The following AKNA variants were observed in gnomAD, a reference collection of about 807,000 sequenced individuals.
The protein encoded by AKNA is AT-hook transcription factor, also known as microtubule organization protein AKNA.
In AKNA, 67 loss-of-function variants were observed where a neutral mutation model predicts 138.8. The observed-to-expected ratio is 0.48, with a 90% CI of 0.40 to 0.59. The LOEUF (loss-of-function observed/expected upper bound fraction) is 0.59. Ranked by LOEUF, AKNA falls within the 20% of genes least tolerant of loss-of-function variation. The pLI, the probability that AKNA is intolerant of heterozygous loss-of-function variation, is 0.00. For missense variants in AKNA, 1,813 were observed against 1,880.4 expected, an observed-to-expected ratio of 0.96 and a Z score of 0.66; for synonymous variants, 737 against 754.4, an observed-to-expected ratio of 0.98 and a Z score of 0.38.
chr9:114,376,576 T>C lies in AKNA; in HGVS notation c.1231A>G (p.Ser411Gly). The change falls in exon 3 of 22, where the codon AGT (serine) becomes GGT (glycine). Residue 411 changes from serine to glycine, a missense_variant. Transcript: ENST00000374088. ...TCCTTTGCCAGGGCTGCTTCTCCACTGCTCAACAGCACCTCCTGCACAATC... is the reference window on the plus strand; with the variant it reads ...TCCTTTGCCAGGGCTGCTTCTCCACCGCTCAACAGCACCTCCTGCACAATC... ...AEIVQEVLLS[S>G]GEAALAKDTP... 1 of 1,614,122 alleles carries C rather than the reference T, an allele frequency of 6.2e-7. No individual in the cohort carries two copies. Among genetic ancestry groups the C allele is most frequent in the Non-Finnish European group, 8.5e-7 (1 of 1,180,016 alleles).
intron 8 of AKNA, 141 bp downstream of exon 8, chr9:114,362,265 G>T: frequency 7.7e-7 from 1 of 1,301,674 alleles, no homozygotes; most frequent in Non-Finnish European, 1.0e-6. Context: ...CCACCATTTG[G>T]ATATGTATAC....
At chr9:114,338,142 T>C (rs564493298) in intron 21 of AKNA, among the ~76,000 whole-genome samples, 17 of 152,202 alleles carry the variant, frequency 1.1e-4, no homozygotes, top group Non-Finnish European at 2.4e-4. Context: ...AGCAGAGTCA[T>C]TCATTGGCAT....
At chr9:114,369,174 C>T (rs897137412) in intron 4 of AKNA, among the ~76,000 whole-genome samples, 4 of 152,196 alleles carry the variant, frequency 2.6e-5, no homozygotes, top group African/African-American at 7.2e-5. Context: ...TTTAACATGG[C>T]AGCCAGCCCA....
chr9:114,381,202 C>G lies in AKNA; in HGVS notation c.132G>C (p.Glu44Asp). Residue 44 changes from glutamate (E) to aspartate (D), a missense_variant, in exon 2 of 22, where the codon GAG becomes GAC. Transcript: ENST00000374088. ...DRSSSQSWEE[E>D]RLFPNATSPE... ...GGCTGGTGGCATTGGGAAAGAGTCT[C>G]TCTTCTTCCCAGCTTTGTGAACTAC... 6.2e-7 allele frequency: 1 copy of G among 1,614,184 alleles called. No homozygotes were observed. The highest frequency in any genetic ancestry group is 1.3e-5 in the African/African-American group (1 of 75,052).
At chr9:114,357,809 C>G in intron 12 of AKNA, 112 bp downstream of exon 12, 1 of 1,511,240 alleles carries the variant, frequency 6.6e-7, no homozygotes, top group Non-Finnish European at 8.9e-7. Context: ...GGGACAGGAG[C>G]AGCAAGTATT....
downstream of AKNA, chr9:114,331,616 G>C: frequency 6.2e-7 from 1 of 1,614,062 alleles, no homozygotes; most frequent in Non-Finnish European, 8.5e-7. Context: ...GGGACACCAA[G>C]ACCTTGATGT....
intron 21 of AKNA, among the ~76,000 whole-genome samples, chr9:114,338,011 A>G (rs879938903): frequency 2.6e-5 from 4 of 152,202 alleles, no homozygotes; most frequent in Admixed American, 1.3e-4. Context: ...TTAGGGTTCA[A>G]GGAAACCAGC....
At chr9:114,349,565 C>T (rs998690906) in intron 15 of AKNA, among the ~76,000 whole-genome samples, 6 of 152,204 alleles carry the variant, frequency 3.9e-5, no homozygotes, top group African/African-American at 9.7e-5. Flanking sequence ...TCTCCGTTCT[C>T]ACCCTGCCGG....
Position 114,368,495 on chromosome 9 carries a change from C to T in AKNA, c.1517G>A (p.Arg506His), listed in dbSNP as rs533699203. The change falls in exon 5 of 22, where the codon CGC (arginine) becomes CAC (histidine). Residue 506 changes from arginine to histidine, a missense_variant. Physicochemically the swap from Arg to His is conservative, Grantham distance 29. Coordinates refer to ENST00000374088, the MANE Select transcript of AKNA (RefSeq NM_001317950.2). ...KVLSFTIPQPRSAEWWPGPAE... is the reference protein window; with the variant it reads ...KVLSFTIPQPHSAEWWPGPAE... The stretch of plus-strand genomic sequence containing the variant: ...CGGGCCCGGCCACCACTCTGCAGAG[C>T]GGGGCTGTGGGATGGTGAAGGACAA... 256 of 1,361,150 alleles carry T rather than the reference C, an allele frequency of 1.9e-4. 5 individuals are homozygous for T. In the South Asian group the frequency reaches 4.3e-3, roughly 23 times the overall value. 84.3% of individuals were successfully genotyped at this position (1,361,150 alleles called of 1,614,324 possible). A position where few individuals can be genotyped will look rare whatever the true frequency, so the allele number is the denominator to read the frequency against.
At chr9:114,365,280 C>T (rs1832260939) in intron 6 of AKNA, among the ~76,000 whole-genome samples, 1 of 151,996 alleles carries the variant, frequency 6.6e-6, no homozygotes, top group Non-Finnish European at 1.5e-5. Context: ...CGTTGCCTAC[C>T]CAAAAATAAA....
At chr9:114,385,080 C>A (rs1052007958) in intron 1 of AKNA, among the ~76,000 whole-genome samples, 4 of 152,148 alleles carry the variant, frequency 2.6e-5, no homozygotes, top group African/African-American at 9.7e-5. Context: ...TTTTGAACTC[C>A]TTGTTTCAAA....
At chr9:114,332,624 C>T (rs1829876000), downstream of AKNA, among the ~76,000 whole-genome samples, 1 of 152,074 alleles carries the variant, frequency 6.6e-6, no homozygotes, top group African/African-American at 2.4e-5. Context: ...ATCCCCAGCC[C>T]CAGGATCCTG....
intron 14 of AKNA, among the ~76,000 whole-genome samples, chr9:114,352,151 A>G (rs1168664492): frequency 6.6e-6 from 1 of 152,196 alleles, no homozygotes; most frequent in Non-Finnish European, 1.5e-5. Context: ...AACGTTCTGT[A>G]TCTTGACTGC....
chr9:114,382,862 G>A (rs1833789920), intron 1 of AKNA, among the ~76,000 whole-genome samples: 2 of 152,104 alleles, frequency 1.3e-5, no homozygotes, highest in African/African-American at 4.8e-5. Context: ...CTGGGTATGG[G>A]ATTTCCTTCT....
Position 114,336,438 on chromosome 9 carries a change from A to G in AKNA, c.*616T>C, listed in dbSNP as rs1403598847. On this transcript the variant is annotated 3_prime_UTR_variant, in exon 22 of 22. Transcript: ENST00000374088. ...ACTGAAGGGGACCATGGTGGATGGC[A>G]TCCTGGGCACTTTGTAGCTTGTCTG... 1.3e-5 allele frequency: 2 copies of G among 152,264 alleles called. No individual in the cohort carries two copies. The highest frequency in any genetic ancestry group is 4.8e-5 in the African/African-American group (2 of 41,464). The allele number at this position is 152,264 out of a possible 1,614,324, so 9.4% of individuals were successfully genotyped here.
intron 2 of AKNA, 21 bp from the exon 3 acceptor site, chr9:114,377,553 CT>C: frequency 6.4e-7 from 1 of 1,573,678 alleles, no homozygotes; most frequent in South Asian, 1.2e-5. Context: ...AGGCCATTCA[CT>C]TCTTAGCATA....
chr9:114,332,268 C>A (rs1413709737), downstream of AKNA, among the ~76,000 whole-genome samples: 3 of 152,078 alleles, frequency 2.0e-5, no homozygotes, highest in African/African-American at 7.3e-5. Flanking sequence ...GCTTTCACCC[C>A]ACCTCCACTC....
chr9:114,386,711 C>G (rs112006422), intron 1 of AKNA, among the ~76,000 whole-genome samples: 1 of 152,258 alleles, frequency 6.6e-6, no homozygotes, highest in Non-Finnish European at 1.5e-5. Context: ...TCTAACAGAC[C>G]CCTGAGGTGT....
chr9:114,388,519 C>A (rs545593487), upstream of AKNA, among the ~76,000 whole-genome samples: 115 of 152,370 alleles, frequency 7.5e-4, no homozygotes, highest in African/African-American at 2.6e-3. Flanking sequence ...CCACCGTCCT[C>A]ACCCCGAGGT....
Sources: gnomAD v4.1 joint callset for allele counts (sites outside exome capture counted in the v4.1 genomes callset) on GRCh38, gnomAD v4.1.1 for gene constraint, MANE v1.5 for transcripts, NCBI Gene and HGNC (gene_info 2026-07-23, HGNC 2026-07-21) for gene names.